The following PCDH9 variants were observed in gnomAD, a reference collection of about 807,000 sequenced individuals.
PCDH9 encodes the protein protocadherin 9.
PCDH9 carries 24 observed loss-of-function variants against 70.6 expected under a neutral mutation model. The ratio of observed to expected loss-of-function variants is 0.34; its 90% CI spans 0.25 to 0.48. The LOEUF (loss-of-function observed/expected upper bound fraction) is 0.48, where lower values mean the gene tolerates loss of function less well. PCDH9 is among the 20% of genes least tolerant of loss of function. The pLI is 0.99. For synonymous variants in PCDH9, 562 were observed against 558.5 expected, an observed-to-expected ratio of 1.01 and a Z score of -0.09; for missense variants, 1,281 against 1,503.6, an observed-to-expected ratio of 0.85 and a Z score of 2.45.
intron 4 of PCDH9, among the ~76,000 whole-genome samples, chr13:66,491,146 T>G (rs1239053372): frequency 6.6e-6 from 1 of 152,192 alleles, no homozygotes; most frequent in African/African-American, 2.4e-5. Context: ...GCACTTCTTT[T>G]GCCTCCCCTC....
At chr13:66,498,003 A>G (rs1959143453) in intron 4 of PCDH9, among the ~76,000 whole-genome samples, 1 of 151,728 alleles carries the variant, frequency 6.6e-6, no homozygotes, top group African/African-American at 2.4e-5. Context: ...TATTTTTAGT[A>G]GAGATGGGGT....
At chr13:67,118,144 T>C (rs2086812743) in intron 2 of PCDH9, among the ~76,000 whole-genome samples, 1 of 152,144 alleles carries the variant, frequency 6.6e-6, no homozygotes, top group African/African-American at 2.4e-5. Context: ...GAACAAAAGT[T>C]GCATGCTGTA....
intron 2 of PCDH9, chr13:66,991,005 C>T (rs1230466085): frequency 6.6e-6 from 1 of 151,854 alleles, no homozygotes; most frequent in Non-Finnish European, 1.5e-5. Context: ...CCAGAAGGCT[C>T]ATCTGAATAT....
At chr13:66,557,571 C>A (rs563850744) in intron 4 of PCDH9, among the ~76,000 whole-genome samples, 1 of 152,130 alleles carries the variant, frequency 6.6e-6, no homozygotes, top group Non-Finnish European at 1.5e-5. Context: ...GCTTTCTCTT[C>A]GCTGTAACAG....
intron 4 of PCDH9, among the ~76,000 whole-genome samples, chr13:66,379,615 G>A (rs1335937886): frequency 6.6e-6 from 1 of 152,102 alleles, no homozygotes; most frequent in Non-Finnish European, 1.5e-5. Flanking sequence ...CCAAGGTAAT[G>A]CTTACAAAGC....
At chr13:66,561,477 G>T (rs777475534) in intron 4 of PCDH9, among the ~76,000 whole-genome samples, 2 of 152,234 alleles carry the variant, frequency 1.3e-5, no homozygotes, top group African/African-American at 4.8e-5. Flanking sequence ...GGTGAAGCCA[G>T]CTGGGCTCCT....
intron 2 of PCDH9, among the ~76,000 whole-genome samples, chr13:66,912,445 G>A (rs2082483820): frequency 6.6e-6 from 1 of 151,940 alleles, no homozygotes; most frequent in African/African-American, 2.4e-5. Context: ...ATAGCGATGG[G>A]CTCTCCAGGC....
At chr13:66,654,426 TCAA>T (rs1003398818) in intron 3 of PCDH9, among the ~76,000 whole-genome samples, 15 of 151,952 alleles carry the variant, frequency 9.9e-5, no homozygotes, top group African/African-American at 3.6e-4. Flanking sequence ...GAAACTACAG[TCAA>T]CAATAATTTA....
chr13:67,171,586 C>A lies in PCDH9; in HGVS notation c.3036+53819G>T, dbSNP rs1161326643. 2.0e-5 allele frequency among the ~76,000 whole-genome samples: 3 copies of A among 152,182 alleles called. No individual in the cohort carries two copies. The East Asian group carries it at 5.8e-4, about 29-fold the overall frequency. On this transcript the variant is annotated intron_variant, in intron 2 of 4. Coordinates refer to ENST00000377865, the MANE Select transcript of PCDH9 (RefSeq NM_203487.3). ...AAATTGTGACTGTAGTCATTTATCT[C>A]TGGTTATGTTATACCTTTATCTTTA...
intron 2 of PCDH9, among the ~76,000 whole-genome samples, chr13:66,950,783 G>A (rs558571480): frequency 1.3e-5 from 2 of 152,054 alleles, no homozygotes; most frequent in Non-Finnish European, 2.9e-5. Context: ...AAAACCATGT[G>A]AAGAGCTTAA....
intron 4 of PCDH9, among the ~76,000 whole-genome samples, chr13:66,337,431 T>G (rs1351622294): frequency 1.3e-5 from 2 of 152,074 alleles, no homozygotes; most frequent in Non-Finnish European, 2.9e-5. Context: ...GGAAGGCCCT[T>G]GGTGATTGAG....
At chr13:66,826,742 AG>A (rs2139395850) in intron 3 of PCDH9, among the ~76,000 whole-genome samples, 1 of 152,302 alleles carries the variant, frequency 6.6e-6, no homozygotes. Flanking sequence ...TTAGAAACAG[AG>A]TCAGAGAAGA....
At chr13:66,568,578 G>A (rs1273457752) in intron 4 of PCDH9, among the ~76,000 whole-genome samples, 1 of 108,936 alleles carries the variant, frequency 9.2e-6, no homozygotes, top group Non-Finnish European at 2.1e-5. Flanking sequence ...AGTTTGAGGT[G>A]GAAGGATAGC....
chr13:66,542,818 T>C (rs980503314), intron 4 of PCDH9, among the ~76,000 whole-genome samples: 2 of 148,268 alleles, frequency 1.3e-5, no homozygotes, highest in African/African-American at 4.9e-5. Context: ...TATATATCTA[T>C]CTCCCATTGG....
At chr13:66,984,846 G>T (rs972625807) in intron 2 of PCDH9, among the ~76,000 whole-genome samples, 3 of 152,014 alleles carry the variant, frequency 2.0e-5, no homozygotes, top group Admixed American at 2.0e-4. Flanking sequence ...GGGTCACTGG[G>T]CTTTTAATAA....
intron 3 of PCDH9, among the ~76,000 whole-genome samples, chr13:66,685,908 T>A (rs938618888): frequency 6.6e-6 from 1 of 152,200 alleles, no homozygotes; most frequent in African/African-American, 2.4e-5. Context: ...GTGCCTTCAT[T>A]GTATCTAGGA....
At chr13:66,366,858 T>A (rs1256981061) in intron 4 of PCDH9, among the ~76,000 whole-genome samples, 5 of 152,176 alleles carry the variant, frequency 3.3e-5, no homozygotes, top group Non-Finnish European at 5.9e-5. Context: ...TTCACCTGAG[T>A]TAGTTTTATA....
At chr13:66,825,630 C>G in intron 3 of PCDH9, among the ~76,000 whole-genome samples, 1 of 152,048 alleles carries the variant, frequency 6.6e-6, no homozygotes, top group African/African-American at 2.4e-5. Context: ...CCACCGCGCC[C>G]GGCCAAAAAC....
intron 3 of PCDH9, among the ~76,000 whole-genome samples, chr13:66,859,681 C>T (rs2081450251): frequency 6.6e-6 from 1 of 152,028 alleles, no homozygotes; most frequent in Non-Finnish European, 1.5e-5. Context: ...TCAATATTAA[C>T]CTGAGTGTGA....
Sources: gnomAD v4.1 joint callset for allele counts (sites outside exome capture counted in the v4.1 genomes callset) on GRCh38, gnomAD v4.1.1 for gene constraint, MANE v1.5 for transcripts, NCBI Gene and HGNC (gene_info 2026-07-23, HGNC 2026-07-21) for gene names.